KCNIP4: variants seen among roughly 807,000 people sequenced by gnomAD.
KCNIP4 encodes the protein Kv channel-interacting protein 4.
In KCNIP4, 12 loss-of-function variants were observed where a neutral mutation model predicts 34.0. The observed-to-expected ratio is 0.35, with a 90% CI of 0.23 to 0.57. KCNIP4 has a LOEUF of 0.57. Among genes scored for constraint, KCNIP4 ranks in the 20% least tolerant of loss-of-function variants. The probability of loss-of-function intolerance (pLI) is 0.83; values close to 1 mark genes in which losing one functional copy is unlikely to be tolerated. For synonymous variants in KCNIP4, 124 were observed against 102.2 expected (o/e 1.21, Z -1.29); for missense variants, 238 against 311.7 (o/e 0.76, Z 1.78).
chr4:21,325,071 A>G (rs979667097), intron 1 of KCNIP4, among the ~76,000 whole-genome samples: 1 of 151,920 alleles, frequency 6.6e-6, no homozygotes, highest in Non-Finnish European at 1.5e-5. Flanking sequence ...GTTGACATAT[A>G]GAAATACTAT....
chr4:21,226,352 A>AG (rs1356370488), intron 1 of KCNIP4, among the ~76,000 whole-genome samples: 36 of 123,198 alleles, frequency 2.9e-4, no homozygotes, highest in South Asian at 9.0e-4. Flanking sequence ...AAGAGAAGGA[A>AG]GAGAAGGAAG....
At chr4:21,360,635 T>C (rs1719122302) in intron 1 of KCNIP4, among the ~76,000 whole-genome samples, 1 of 152,066 alleles carries the variant, frequency 6.6e-6, no homozygotes. Flanking sequence ...TCATGTACCT[T>C]ATCATATTCT....
chr4:21,376,667 T>C (rs2109458818), intron 1 of KCNIP4, among the ~76,000 whole-genome samples: 1 of 152,342 alleles, frequency 6.6e-6, no homozygotes, highest in South Asian at 2.1e-4. Context: ...TCATGAAGTT[T>C]ATTATCAGTG....
intron 1 of KCNIP4, among the ~76,000 whole-genome samples, chr4:21,050,614 T>C (rs1742841570): frequency 6.6e-6 from 1 of 152,190 alleles, no homozygotes; most frequent in Non-Finnish European, 1.5e-5. Flanking sequence ...TCTATAAACC[T>C]TTCACAAAAA....
At chr4:21,548,439 T>A (rs776422208) in intron 1 of KCNIP4, among the ~76,000 whole-genome samples, 3 of 151,966 alleles carry the variant, frequency 2.0e-5, no homozygotes, top group Non-Finnish European at 4.4e-5. Flanking sequence ...ACAATGTAAA[T>A]GGTTGGGAAA....
Position 21,370,172 on chromosome 4 carries a change from A to T in KCNIP4, c.62-487463T>A, listed in dbSNP as rs1578138301. Among the ~76,000 whole-genome samples the T allele has an allele frequency of 3.4e-5, 5 of 147,640 alleles. No individual in the cohort carries two copies. In the South Asian group the frequency reaches 1.0e-3, roughly 31 times the overall value. ...TGGAAAAACTAAGAAGACTGCCTCT[A>T]AGCTACATTTTAAAAGATTACCACC... On this transcript the variant is annotated intron_variant, in intron 1 of 8. Coordinates refer to ENST00000382152, the MANE Select transcript of KCNIP4 (RefSeq NM_025221.6).
chr4:20,852,692 G>T (rs1415233561), intron 2 of KCNIP4, among the ~76,000 whole-genome samples: 1 of 152,162 alleles, frequency 6.6e-6, no homozygotes, highest in African/African-American at 2.4e-5. Flanking sequence ...AACTGTCATT[G>T]TTTGTTGATG....
At chr4:20,743,931 A>AC (rs1201218507) in intron 5 of KCNIP4, among the ~76,000 whole-genome samples, 1 of 150,128 alleles carries the variant, frequency 6.7e-6, no homozygotes, top group African/African-American at 2.4e-5. Flanking sequence ...AAAAAAAAAA[A>AC]CCCTTCAAAA....
chr4:21,948,705 G>T lies in KCNIP4; in HGVS notation c.-74C>A. 2 of 1,464,250 alleles carry T rather than the reference G, an allele frequency of 1.4e-6. No homozygotes were observed. The highest frequency in any genetic ancestry group is 9.2e-7 in the Non-Finnish European group (1 of 1,092,470). The allele number at this position is 1,464,250 out of a possible 1,614,324, so 90.7% of individuals were successfully genotyped here. A position where few individuals can be genotyped will look rare whatever the true frequency, so the allele number is the denominator to read the frequency against. On this transcript the variant is annotated 5_prime_UTR_variant, in exon 1 of 9. Coordinates refer to ENST00000382152, the MANE Select transcript of KCNIP4 (RefSeq NM_025221.6). Reference sequence around the variant, plus strand: ...GGGGCGTCTGTCCACGGGTCTGCACGGGAGCGCACCGCCGCTCGGCCCGGG... The same window carrying T: ...GGGGCGTCTGTCCACGGGTCTGCACTGGAGCGCACCGCCGCTCGGCCCGGG...
chr4:21,812,850 C>G (rs563063401), intron 1 of KCNIP4, among the ~76,000 whole-genome samples: 2 of 152,146 alleles, frequency 1.3e-5, no homozygotes, highest in Non-Finnish European at 2.9e-5. Flanking sequence ...CCAGGATAAG[C>G]TTTTCCACAG....
intron 1 of KCNIP4, among the ~76,000 whole-genome samples, chr4:21,073,361 G>A (rs78602898): frequency 0.19 from 28,321 of 151,998 alleles, 2,669 homozygotes; most frequent in African/African-American, 0.21. Context: ...GGTCCTTCAC[G>A]TCCCTTGTAA....
At chr4:20,881,400 T>G (rs2149523196) in intron 2 of KCNIP4, among the ~76,000 whole-genome samples, 1 of 152,306 alleles carries the variant, frequency 6.6e-6, no homozygotes, top group East Asian at 1.9e-4. Flanking sequence ...TAGGTGGAGC[T>G]GTGGGTTATA....
At chr4:20,813,945 A>G (rs1403418683) in intron 3 of KCNIP4, among the ~76,000 whole-genome samples, 2 of 152,200 alleles carry the variant, frequency 1.3e-5, no homozygotes, top group Non-Finnish European at 2.9e-5. Context: ...GTAGTTGTTC[A>G]TCTTGTCACA....
chr4:21,466,356 C>A (rs1015829983), intron 1 of KCNIP4, among the ~76,000 whole-genome samples: 1 of 152,130 alleles, frequency 6.6e-6, no homozygotes, highest in Non-Finnish European at 1.5e-5. Flanking sequence ...CCAAGATGGC[C>A]CCCTAATCTA....
chr4:21,491,541 AT>A (rs907433743), intron 1 of KCNIP4, among the ~76,000 whole-genome samples: 14 of 151,720 alleles, frequency 9.2e-5, no homozygotes, highest in Non-Finnish European at 2.1e-4. Flanking sequence ...TGCTGGGCAA[AT>A]TTTTTTTATT....
intron 1 of KCNIP4, among the ~76,000 whole-genome samples, chr4:21,330,862 TC>T (rs1715560193): frequency 6.6e-6 from 1 of 152,206 alleles, no homozygotes. Flanking sequence ...ATAAAGCTTC[TC>T]TTCCTTGTGC....
chr4:21,247,498 A>G (rs1383170485), intron 1 of KCNIP4, among the ~76,000 whole-genome samples: 1 of 150,472 alleles, frequency 6.6e-6, no homozygotes, highest in Non-Finnish European at 1.5e-5. Context: ...ATAAATCCCA[A>G]TATGCATGCA....
chr4:21,549,601 C>G (rs1738401954), intron 1 of KCNIP4, among the ~76,000 whole-genome samples: 1 of 151,972 alleles, frequency 6.6e-6, no homozygotes, highest in Non-Finnish European at 1.5e-5. Flanking sequence ...AACTGTGACC[C>G]AACTAAACAT....
intron 1 of KCNIP4, among the ~76,000 whole-genome samples, chr4:21,599,903 A>C (rs947323671): frequency 2.0e-5 from 3 of 152,058 alleles, no homozygotes; most frequent in African/African-American, 7.2e-5. Flanking sequence ...ATAAGACTTG[A>C]CGACAATAGA....
Sources: gnomAD v4.1 joint callset for allele counts (sites outside exome capture counted in the v4.1 genomes callset) on GRCh38, gnomAD v4.1.1 for gene constraint, MANE v1.5 for transcripts, NCBI Gene and HGNC (gene_info 2026-07-23, HGNC 2026-07-21) for gene names.